Variants in AOAH observed in about 807,000 individuals in gnomAD.
The protein encoded by AOAH is acyloxyacyl hydrolase (neutrophil).
AOAH carries 64 observed loss-of-function variants against 92.2 expected under a neutral mutation model. The ratio of observed to expected loss-of-function variants is 0.69; its 90% CI spans 0.57 to 0.86. The LOEUF is 0.86. Ranked by LOEUF, AOAH falls within the 40% of genes least tolerant of loss-of-function variation. The pLI, the probability that AOAH is intolerant of heterozygous loss-of-function variation, is 0.00. For missense variants in AOAH, 656 were observed against 694.6 expected (o/e 0.94, Z 0.62); for synonymous variants, 263 against 254.5 (o/e 1.03, Z -0.32).
intron 16 of AOAH, among the ~76,000 whole-genome samples, chr7:36,534,013 C>T (rs1203418032): frequency 6.6e-6 from 1 of 152,154 alleles, no homozygotes; most frequent in Non-Finnish European, 1.5e-5. Context: ...TGTCCCCTCC[C>T]CCTGAGGGGC....
intron 11 of AOAH, among the ~76,000 whole-genome samples, chr7:36,609,371 C>T (rs985134685): frequency 6.6e-6 from 1 of 152,170 alleles, no homozygotes; most frequent in African/African-American, 2.4e-5. Context: ...AAATCTGCCC[C>T]TTTCTCAGTT....
intron 11 of AOAH, among the ~76,000 whole-genome samples, chr7:36,610,130 T>TC (rs1355167052): frequency 1.3e-5 from 2 of 148,158 alleles, no homozygotes; most frequent in Non-Finnish European, 3.0e-5. Context: ...TTTTTTCTTT[T>TC]TTTTTTTAAG....
chr7:36,565,972 G>T (rs558349257), intron 13 of AOAH, among the ~76,000 whole-genome samples: 19 of 152,238 alleles, frequency 1.2e-4, no homozygotes, highest in African/African-American at 4.6e-4. Context: ...TCTGGGCTAG[G>T]ATCTAATTTA....
At chr7:36,664,219 C>T (rs1208052095) in intron 3 of AOAH, among the ~76,000 whole-genome samples, 4 of 151,964 alleles carry the variant, frequency 2.6e-5, no homozygotes, top group Admixed American at 1.3e-4. Flanking sequence ...AGATTTTCTC[C>T]TACACTTTTA....
At chr7:36,569,036 C>T (rs1490283666) in intron 13 of AOAH, among the ~76,000 whole-genome samples, 1 of 152,062 alleles carries the variant, frequency 6.6e-6, no homozygotes, top group Non-Finnish European at 1.5e-5. Flanking sequence ...TGTTAAAATT[C>T]TCAATTATTT....
rs1218663228 is a variant in AOAH, at chr7:36,616,010, T to G, written c.846+370A>C. On this transcript the variant is annotated intron_variant, in intron 11 of 20. Coordinates refer to ENST00000617537, the MANE Select transcript of AOAH (RefSeq NM_001637.4). The stretch of plus-strand genomic sequence containing the variant: ...GGCCATCAGGAGCCGAGCAGCCTGC[T>G]CTGCCCAGAGCTTCTTGCTTGCTCA... Among the ~76,000 whole-genome samples, 2 of 152,200 alleles carry G rather than the reference T, an allele frequency of 1.3e-5. 1 individual carries two copies. Among genetic ancestry groups the G allele is most frequent in the Non-Finnish European group, 2.9e-5 (2 of 68,042 alleles).
rs1799169869 is a variant in AOAH at position 36,716,375 on chromosome 7, G to A, written c.127+7647C>T. Among the ~76,000 whole-genome samples, 2 of 150,396 alleles carry A rather than the reference G, an allele frequency of 1.3e-5. 1 individual carries two copies. The highest frequency in any genetic ancestry group is 4.2e-4 in the South Asian group (2 of 4,718). On this transcript the variant is annotated intron_variant, in intron 1 of 20. Transcript: ENST00000617537. ...TAGGAACACTTTTACACTGTTGGTG[G>A]GACTGTAAACTAGTTTAACCATTGT...
intron 1 of AOAH, among the ~76,000 whole-genome samples, chr7:36,722,662 G>A (rs958092309): frequency 7.3e-5 from 11 of 151,544 alleles, no homozygotes; most frequent in South Asian, 2.1e-4. Context: ...GAGGCTGGGC[G>A]CGGTGGCTCA....
intron 14 of AOAH, 92 bp downstream of exon 14, chr7:36,549,347 C>A (rs1786024173): frequency 1.0e-6 from 1 of 956,314 alleles, no homozygotes; most frequent in East Asian, 2.4e-5. Context: ...TATTTATGCT[C>A]AGTAAAAATG....
chr7:36,654,683 G>C (rs1378892646), intron 4 of AOAH, among the ~76,000 whole-genome samples: 1 of 152,144 alleles, frequency 6.6e-6, no homozygotes, highest in Admixed American at 6.6e-5. Flanking sequence ...TATTGTACTA[G>C]AGTCTGAAAT....
At chr7:36,694,351 A>C (rs1297434442) in intron 1 of AOAH, among the ~76,000 whole-genome samples, 1 of 151,920 alleles carries the variant, frequency 6.6e-6, no homozygotes, top group African/African-American at 2.4e-5. Context: ...ACAAAAAATT[A>C]GCCAGGTGTG....
At chr7:36,625,355 CAGA>C (rs1792579317) in intron 6 of AOAH, among the ~76,000 whole-genome samples, 1 of 152,176 alleles carries the variant, frequency 6.6e-6, no homozygotes, top group African/African-American at 2.4e-5. Flanking sequence ...CGGCAATTCT[CAGA>C]AGTTTATTTA....
intron 13 of AOAH, among the ~76,000 whole-genome samples, chr7:36,557,505 G>A (rs1786836087): frequency 6.6e-6 from 1 of 152,080 alleles, no homozygotes; most frequent in African/African-American, 2.4e-5. Flanking sequence ...GGTGTTCTCT[G>A]TATTTCCTGA....
intron 5 of AOAH, among the ~76,000 whole-genome samples, chr7:36,632,960 T>C (rs901872046): frequency 3.3e-5 from 5 of 152,200 alleles, no homozygotes; most frequent in Admixed American, 6.5e-5. Context: ...CCCAGCTCCA[T>C]GTAAGATGTG....
intron 16 of AOAH, among the ~76,000 whole-genome samples, chr7:36,536,567 G>C (rs1318502090): frequency 1.3e-5 from 2 of 152,188 alleles, no homozygotes; most frequent in Non-Finnish European, 2.9e-5. Flanking sequence ...GGGGTTTGGA[G>C]TGAGAGCAGA....
chr7:36,579,370 C>A (rs1788758659), intron 12 of AOAH, among the ~76,000 whole-genome samples: 1 of 122,252 alleles, frequency 8.2e-6, no homozygotes, highest in Non-Finnish European at 1.9e-5. Flanking sequence ...TTCCTGAACC[C>A]CGCCCCCCCC....
At chr7:36,517,176 T>C (rs11761858) in intron 20 of AOAH, among the ~76,000 whole-genome samples, 8,729 of 47,062 alleles carry the variant, frequency 0.19, 503 homozygotes, top group East Asian at 0.34. Context: ...CTTTCTTTCT[T>C]TCTTTCTTTC....
chr7:36,674,064 C>A, intron 2 of AOAH, 55 bp from the exon 3 acceptor site: 1 of 977,404 alleles, frequency 1.0e-6, no homozygotes, highest in East Asian at 2.5e-5. Flanking sequence ...GAATTTAACA[C>A]ACCTTAATAA....
chr7:36,700,396 C>A (rs780411266), intron 1 of AOAH, among the ~76,000 whole-genome samples: 8 of 151,962 alleles, frequency 5.3e-5, no homozygotes, highest in Non-Finnish European at 1.2e-4. Flanking sequence ...GTATTTAGCT[C>A]CTGCTTATAT....
Sources: gnomAD v4.1 joint callset for allele counts (sites outside exome capture counted in the v4.1 genomes callset) on GRCh38, gnomAD v4.1.1 for gene constraint, MANE v1.5 for transcripts, NCBI Gene and HGNC (gene_info 2026-07-23, HGNC 2026-07-21) for gene names.